Variants in EPHA6 observed in about 807,000 individuals in gnomAD.
EPHA6 encodes EPH receptor A6.
EPHA6 carries 50 observed loss-of-function variants against 112.0 expected under a neutral mutation model. The observed-to-expected ratio is 0.45, with a 90% CI of 0.36 to 0.56. The LOEUF is 0.56. Ranked by LOEUF, EPHA6 falls within the 20% of genes least tolerant of loss-of-function variation. The pLI, the probability that EPHA6 is intolerant of heterozygous loss-of-function variation, is 0.00. For missense variants in EPHA6, 1,280 were observed against 1,417.4 expected, an observed-to-expected ratio of 0.90 and a Z score of 1.56; for synonymous variants, 529 against 490.7, an observed-to-expected ratio of 1.08 and a Z score of -1.03.
chr3:97,725,522 G>A (rs887948755), intron 15 of EPHA6, among the ~76,000 whole-genome samples: 1 of 152,046 alleles, frequency 6.6e-6, no homozygotes, highest in Non-Finnish European at 1.5e-5. Flanking sequence ...GTTTTCAAGA[G>A]CAACTTTATT....
intron 3 of EPHA6, among the ~76,000 whole-genome samples, chr3:97,197,061 T>G (rs1223386785): frequency 6.6e-6 from 1 of 152,014 alleles, no homozygotes; most frequent in Non-Finnish European, 1.5e-5. Flanking sequence ...ATTCTTCCCT[T>G]CAGGGCTGCA....
intron 5 of EPHA6, among the ~76,000 whole-genome samples, chr3:97,245,808 AC>A: frequency 6.6e-6 from 1 of 151,908 alleles, no homozygotes; most frequent in East Asian, 1.9e-4. Flanking sequence ...ACCTGACACT[AC>A]ATACGTGATA....
At chr3:97,114,218 A>G (rs559594344) in intron 3 of EPHA6, among the ~76,000 whole-genome samples, 46 of 152,170 alleles carry the variant, frequency 3.0e-4, no homozygotes, top group Non-Finnish European at 6.0e-4. Flanking sequence ...AGAGCTTTCC[A>G]CATGAAAGAC....
At chr3:97,075,272 A>G (rs1200768395) in intron 3 of EPHA6, among the ~76,000 whole-genome samples, 2 of 152,052 alleles carry the variant, frequency 1.3e-5, no homozygotes, top group African/African-American at 2.4e-5. Context: ...TACTCATTCA[A>G]AAATAAAGAT....
intron 5 of EPHA6, among the ~76,000 whole-genome samples, chr3:97,323,494 C>T (rs2108790750): frequency 6.6e-6 from 1 of 151,864 alleles, no homozygotes; most frequent in South Asian, 2.1e-4. Context: ...GTTAATATGT[C>T]AAATGATCAT....
chr3:97,146,257 A>T (rs1190713294), intron 3 of EPHA6, among the ~76,000 whole-genome samples: 2 of 151,744 alleles, frequency 1.3e-5, no homozygotes, highest in East Asian at 1.9e-4. Flanking sequence ...CTTCCTTGAC[A>T]TTCTTTCTTA....
At chr3:96,914,163 A>G (rs994193445) in intron 2 of EPHA6, among the ~76,000 whole-genome samples, 2 of 152,132 alleles carry the variant, frequency 1.3e-5, no homozygotes, top group African/African-American at 4.8e-5. Context: ...CAGTTTTTTT[A>G]AAGTATAGTT....
chr3:97,586,092 T>C (rs2107313408), intron 11 of EPHA6, among the ~76,000 whole-genome samples: 1 of 152,340 alleles, frequency 6.6e-6, no homozygotes, highest in East Asian at 1.9e-4. Flanking sequence ...AATATTTGCT[T>C]AAGTAATTTG....
intron 13 of EPHA6, among the ~76,000 whole-genome samples, chr3:97,616,688 T>G (rs2093769237): frequency 6.6e-6 from 1 of 151,916 alleles, no homozygotes; most frequent in African/African-American, 2.4e-5. Flanking sequence ...TCTCAGAACT[T>G]AAAGTTTGGG....
chr3:97,420,466 A>T (rs1192353742), intron 6 of EPHA6, among the ~76,000 whole-genome samples: 1 of 152,108 alleles, frequency 6.6e-6, no homozygotes, highest in Non-Finnish European at 1.5e-5. Context: ...AAAAAACTTC[A>T]TACATATATT....
intron 2 of EPHA6, among the ~76,000 whole-genome samples, chr3:96,921,714 C>A (rs1444776849): frequency 6.6e-6 from 1 of 151,810 alleles, no homozygotes; most frequent in Non-Finnish European, 1.5e-5. Flanking sequence ...ACTACAGGCA[C>A]GTGCCACCAT....
intron 5 of EPHA6, among the ~76,000 whole-genome samples, chr3:97,386,298 TTA>T (rs2086064388): frequency 6.6e-6 from 1 of 152,160 alleles, no homozygotes; most frequent in South Asian, 2.1e-4. Context: ...AGGTATGTCA[TTA>T]TAGGAGTGTG....
At chr3:97,214,416 G>A (rs75498468) in intron 3 of EPHA6, among the ~76,000 whole-genome samples, 1,621 of 147,084 alleles carry the variant, frequency 0.011, 15 homozygotes, top group Non-Finnish European at 0.015. Context: ...ATTGCTATAC[G>A]CCCAACAGAA....
intron 5 of EPHA6, among the ~76,000 whole-genome samples, chr3:97,335,881 G>A: frequency 6.6e-6 from 1 of 151,938 alleles, no homozygotes; most frequent in East Asian, 1.9e-4. Flanking sequence ...TGCTTGGTGG[G>A]GTCAGAGATG....
chr3:96,927,958 A>C (rs1260253071), intron 2 of EPHA6, among the ~76,000 whole-genome samples: 1 of 152,188 alleles, frequency 6.6e-6, no homozygotes, highest in African/African-American at 2.4e-5. Context: ...GGAAACAGTT[A>C]CGTCTTACAG....
At chr3:97,349,748 A>G (rs559457433) in intron 5 of EPHA6, among the ~76,000 whole-genome samples, 2 of 152,132 alleles carry the variant, frequency 1.3e-5, no homozygotes, top group East Asian at 3.9e-4. Flanking sequence ...GATCTTCATG[A>G]GACTTAGGAA....
At chr3:96,980,900 T>A (rs917712506) in intron 2 of EPHA6, among the ~76,000 whole-genome samples, 3 of 152,216 alleles carry the variant, frequency 2.0e-5, no homozygotes, top group African/African-American at 7.2e-5. Context: ...ACATTGATTT[T>A]GTATCCTGAG....
At chr3:97,711,014 C>T (rs150777840) in intron 14 of EPHA6, among the ~76,000 whole-genome samples, 28 of 152,256 alleles carry the variant, frequency 1.8e-4, no homozygotes, top group African/African-American at 3.9e-4. Context: ...TATCAGTCAG[C>T]GATATGGTTT....
chr3:97,614,510 T>TTA lies in EPHA6; in HGVS notation c.2574+3657_2574+3658insAT, dbSNP rs1215868582. 6.4e-3 allele frequency among the ~76,000 whole-genome samples: 931 copies of TTA among 145,116 alleles called. 16 individuals are homozygous for TTA. Among genetic ancestry groups the TTA allele is most frequent in the African/African-American group, 0.021 (801 of 38,256 alleles). ...CCACCACACCCAGCTAATTTTTTTT[T>TTA]TTTTTTTTTTTTTTTTGTATTTTAG... On this transcript the variant is annotated intron_variant, in intron 13 of 17. Transcript: ENST00000389672.
Sources: gnomAD v4.1 joint callset for allele counts (sites outside exome capture counted in the v4.1 genomes callset) on GRCh38, gnomAD v4.1.1 for gene constraint, MANE v1.5 for transcripts, NCBI Gene and HGNC (gene_info 2026-07-23, HGNC 2026-07-21) for gene names.